HS3ST4: variants seen among roughly 807,000 people sequenced by gnomAD.
HS3ST4 encodes the protein heparan sulfate-glucosamine 3-sulfotransferase 4, also known as heparan sulfate glucosamine 3-O-sulfotransferase 4.
In HS3ST4, 17 loss-of-function variants were observed where a neutral mutation model predicts 29.2. The ratio of observed to expected loss-of-function variants is 0.58; its 90% CI spans 0.40 to 0.87. HS3ST4 has a LOEUF of 0.87. Among genes scored for constraint, HS3ST4 ranks in the 40% least tolerant of loss-of-function variants. HS3ST4 has a pLI of 0.00. For missense variants in HS3ST4, 627 were observed against 634.5 expected, an observed-to-expected ratio of 0.99 and a Z score of 0.13; for synonymous variants, 314 against 285.7, an observed-to-expected ratio of 1.10 and a Z score of -1.00.
intron 1 of HS3ST4, among the ~76,000 whole-genome samples, chr16:25,751,826 A>G (rs1385695475): frequency 1.3e-5 from 2 of 152,142 alleles, no homozygotes; most frequent in Non-Finnish European, 2.9e-5. Flanking sequence ...GCTTGCTGGA[A>G]GGTACAAGGA....
At chr16:26,092,033 C>A (rs1034318826) in intron 1 of HS3ST4, among the ~76,000 whole-genome samples, 1 of 152,162 alleles carries the variant, frequency 6.6e-6, no homozygotes, top group South Asian at 2.1e-4. Context: ...TTTGGAAATG[C>A]CGAGCTGAGC....
intron 1 of HS3ST4, among the ~76,000 whole-genome samples, chr16:25,740,177 T>C (rs752513701): frequency 6.6e-5 from 10 of 152,110 alleles, no homozygotes; most frequent in Non-Finnish European, 1.3e-4. Flanking sequence ...ATTGGGGTCA[T>C]GAGGCACTGG....
intron 1 of HS3ST4, among the ~76,000 whole-genome samples, chr16:25,867,476 A>G (rs1228734910): frequency 6.6e-6 from 1 of 152,170 alleles, no homozygotes; most frequent in East Asian, 1.9e-4. Context: ...ATCCCGTGCT[A>G]GTAAGACTGA....
intron 1 of HS3ST4, among the ~76,000 whole-genome samples, chr16:25,909,343 C>T (rs751889647): frequency 7.2e-5 from 11 of 152,098 alleles, no homozygotes; most frequent in Non-Finnish European, 5.9e-5. Flanking sequence ...CATGCACTAC[C>T]GCACCCAGCT....
rs574106242 is a variant in HS3ST4, at chr16:25,969,177, A to T, written c.735-166435A>T. Among the ~76,000 whole-genome samples the T allele has an allele frequency of 3.9e-5, 6 of 152,348 alleles. No homozygotes were observed. The South Asian group carries it at 1.0e-3, about 26-fold the overall frequency. On this transcript the variant is annotated intron_variant, in intron 1 of 1. Coordinates refer to ENST00000331351, the MANE Select transcript of HS3ST4 (RefSeq NM_006040.3). ...CTATTACTACTGCTATCCACTATGT[A>T]TAATAGATTACATTATATCCCTTCT...
intron 1 of HS3ST4, among the ~76,000 whole-genome samples, chr16:26,040,887 G>A (rs56245220): frequency 6.6e-6 from 1 of 151,968 alleles, no homozygotes; most frequent in Non-Finnish European, 1.5e-5. Flanking sequence ...ACCCAACATG[G>A]TCACTATTGA....
rs117882122 is a variant in HS3ST4, at chr16:25,801,302, G to T, written c.734+108151G>T. ...TAGTGCATGACATTCCATTGTGTTG[G>T]TGTACCCTAATTTATTATCATAGAT... is the stretch of plus-strand genomic sequence containing the variant. On this transcript the variant is annotated intron_variant, in intron 1 of 1. Coordinates refer to ENST00000331351, the MANE Select transcript of HS3ST4 (RefSeq NM_006040.3). 1.7e-3 allele frequency among the ~76,000 whole-genome samples: 259 copies of T among 152,214 alleles called. 1 individual carries two copies. Among genetic ancestry groups the T allele is most frequent in the Non-Finnish European group, 2.7e-3 (187 of 68,010 alleles).
intron 1 of HS3ST4, among the ~76,000 whole-genome samples, chr16:26,034,485 T>G (rs1171144285): frequency 6.6e-6 from 1 of 152,192 alleles, no homozygotes; most frequent in South Asian, 2.1e-4. Flanking sequence ...ACAGAGAAAG[T>G]CGGCTTTCCC....
At chr16:25,857,800 G>T (rs865969814) in intron 1 of HS3ST4, among the ~76,000 whole-genome samples, 94 of 152,158 alleles carry the variant, frequency 6.2e-4, no homozygotes, top group African/African-American at 2.2e-3. Flanking sequence ...CTACATAGAA[G>T]TACTCATAGC....
intron 1 of HS3ST4, among the ~76,000 whole-genome samples, chr16:25,711,102 G>T (rs1257464886): frequency 6.6e-6 from 1 of 152,018 alleles, no homozygotes; most frequent in Non-Finnish European, 1.5e-5. Flanking sequence ...GGGATTACAG[G>T]CATGAACCAC....
At chr16:25,771,071 T>C (rs991606230) in intron 1 of HS3ST4, among the ~76,000 whole-genome samples, 3 of 152,084 alleles carry the variant, frequency 2.0e-5, no homozygotes, top group African/African-American at 7.2e-5. Context: ...TTGCTGCACC[T>C]ATCAACCTGT....
At chr16:25,796,820 G>A (rs1416866201) in intron 1 of HS3ST4, among the ~76,000 whole-genome samples, 3 of 152,168 alleles carry the variant, frequency 2.0e-5, no homozygotes, top group Non-Finnish European at 4.4e-5. Context: ...ATTAAGGGGC[G>A]GGTTATTCAG....
intron 1 of HS3ST4, among the ~76,000 whole-genome samples, chr16:25,707,208 G>A (rs1055791271): frequency 1.2e-4 from 19 of 152,136 alleles, no homozygotes; most frequent in Non-Finnish European, 2.5e-4. Flanking sequence ...ATTCAGATAT[G>A]CCCAAAGAGA....
At chr16:25,832,203 G>T (rs908465631) in intron 1 of HS3ST4, among the ~76,000 whole-genome samples, 1 of 152,066 alleles carries the variant, frequency 6.6e-6, no homozygotes, top group African/African-American at 2.4e-5. Flanking sequence ...TCTCCATCAG[G>T]GTCTTGTTCC....
At chr16:25,816,372 C>A (rs940936353) in intron 1 of HS3ST4, among the ~76,000 whole-genome samples, 2 of 152,260 alleles carry the variant, frequency 1.3e-5, no homozygotes, top group South Asian at 4.1e-4. Flanking sequence ...CAGAGGCGAT[C>A]GATACCTTTG....
At chr16:26,003,977 AT>A (rs1194000385) in intron 1 of HS3ST4, among the ~76,000 whole-genome samples, 3 of 151,746 alleles carry the variant, frequency 2.0e-5, no homozygotes, top group African/African-American at 7.3e-5. Context: ...CCTAATCCCA[AT>A]TTCTCCCATC....
At chr16:25,910,880 T>C (rs1346282363) in intron 1 of HS3ST4, among the ~76,000 whole-genome samples, 2 of 152,104 alleles carry the variant, frequency 1.3e-5, no homozygotes, top group East Asian at 3.9e-4. Flanking sequence ...GGAAGGAGTA[T>C]AGATAAGGCT....
chr16:25,712,133 C>T (rs112511147), intron 1 of HS3ST4, among the ~76,000 whole-genome samples: 196 of 151,960 alleles, frequency 1.3e-3, no homozygotes, highest in African/African-American at 4.1e-3. Flanking sequence ...GCTGGGAAAA[C>T]AGTAATATAG....
intron 1 of HS3ST4, among the ~76,000 whole-genome samples, chr16:25,804,286 AC>A (rs770681493): frequency 1.2e-4 from 19 of 152,132 alleles, no homozygotes; most frequent in African/African-American, 3.6e-4. Flanking sequence ...AATAATTTTA[AC>A]CTTTTTCATT....
Sources: allele counts gnomAD v4.1 joint callset (sites outside exome capture counted in the v4.1 genomes callset), GRCh38; gene constraint gnomAD v4.1.1; transcripts MANE v1.5; gene names NCBI Gene and HGNC (gene_info 2026-07-23, HGNC 2026-07-21).